The following CDC42BPG variants were observed in gnomAD, a reference collection of about 807,000 sequenced individuals.
CDC42BPG encodes the protein serine/threonine-protein kinase MRCK gamma.
Under a neutral mutation model 192.2 loss-of-function variants are expected in CDC42BPG, and 157 were observed. That is an observed-to-expected ratio of 0.82 (90% CI 0.72 to 0.93). CDC42BPG has a LOEUF of 0.93. Ranked by LOEUF, CDC42BPG falls within the 40% of genes least tolerant of loss-of-function variation. CDC42BPG has a pLI of 0.00. For missense variants in CDC42BPG, 1,992 were observed against 2,122.1 expected (o/e 0.94, Z 1.20); for synonymous variants, 981 against 918.5 (o/e 1.07, Z -1.23).
intron 27 of CDC42BPG, among the ~76,000 whole-genome samples, chr11:64,832,149 C>T (rs140090314): frequency 6.6e-6 from 1 of 152,330 alleles, no homozygotes; most frequent in East Asian, 1.9e-4. Context: ...AAGGTGTGAC[C>T]AGAGCAGAGA....
rs554913071 is a variant in CDC42BPG at position 64,830,446 on chromosome 11, CCAT to C, written c.3305-193_3305-191del. Reference sequence around the variant, plus strand: ...TTTTCCAGAGGGGTTGGGGTGAGGCCCATCATCTTGAGCTGTGGGATTTTGGGT... The same window carrying C: ...TTTTCCAGAGGGGTTGGGGTGAGGCCCATCTTGAGCTGTGGGATTTTGGGT... On this transcript the variant is annotated intron_variant, in intron 28 of 36. Coordinates refer to ENST00000342711, the MANE Select transcript of CDC42BPG (RefSeq NM_017525.3). 8.5e-4 allele frequency: 538 copies of C among 630,138 alleles called. 6 individuals are homozygous for C. The highest frequency in any genetic ancestry group is 7.8e-3 in the African/African-American group (430 of 55,264). The allele number at this position is 630,138 out of a possible 1,614,324, so 39.0% of individuals were successfully genotyped here. A position where few individuals can be genotyped will look rare whatever the true frequency, so the allele number is the denominator to read the frequency against.
In CDC42BPG at chr11:64,831,646, C is replaced by T. The variant is rs1173469229; in HGVS notation, c.3163G>A (p.Glu1055Lys). The T allele has an allele frequency of 6.2e-7, 1 of 1,610,966 alleles. No homozygotes were observed. ...LLLAESEGER[E>K]RWLQVLGELQ... ...TCACCCAGCACCTGCAGCCAGCGTT[C>T]CCGCTCCCCCTCGCTCTCTGCCAGC... The change falls in exon 28 of 37, where the codon GAA becomes AAA. Residue 1055 changes from glutamate (E) to lysine (K), a missense_variant. Physicochemically the swap from Glu to Lys is moderately conservative, Grantham distance 56 (BLOSUM62 1). This residue lies in a region of CDC42BPG where 1,656 missense variants were observed against 1,844.3 expected (regional missense o/e 0.90). Transcript: ENST00000342711.
chr11:64,838,100 G>A lies in CDC42BPG; in HGVS notation c.1188C>T (p.Phe396=), dbSNP rs757853046. ...AGCCTCACCTGCCTGAGGTGTAGGT[G>A]AAGCCCACGAATGGCAGGTGATGGC... is the stretch of plus-strand genomic sequence containing the variant. ...FSGHHLPFVG[F]TYTSGSHSPE... is the part of the protein sequence containing the mutation. The change falls in exon 9 of 37, where the codon TTC becomes TTT. Residue 396 remains phenylalanine, a synonymous_variant. Coordinates refer to ENST00000342711, the MANE Select transcript of CDC42BPG (RefSeq NM_017525.3). 20 of 1,551,822 alleles carry A rather than the reference G, an allele frequency of 1.3e-5. No individual in the cohort carries two copies. The highest frequency in any genetic ancestry group is 4.9e-5 in the East Asian group (2 of 41,114).
rs147914897 is a variant in CDC42BPG, at chr11:64,840,616, G to A, written c.369C>T (p.Leu123=). 5.6e-6 allele frequency: 9 copies of A among 1,613,892 alleles called. No individual in the cohort carries two copies. The highest frequency in any genetic ancestry group is 1.7e-5 in the Admixed American group (1 of 60,026). The change falls in exon 4 of 37, where the codon CTC becomes CTT. Residue 123 remains leucine, a synonymous_variant. Coordinates refer to ENST00000342711, the MANE Select transcript of CDC42BPG (RefSeq NM_017525.3). The part of the protein sequence containing the change: ...TACFREERDV[L]VKGDSRWVTT... The stretch of plus-strand genomic sequence containing the variant: ...TCACCCAACGGCTGTCCCCTTTCAC[G>A]AGCACATCCCGCTCCTCCCGGAAAC...
Position 64,827,534 on chromosome 11 carries a change from C to A in CDC42BPG, c.4143G>T (p.Gln1381His). The change falls in exon 32 of 37, where the codon CAG (glutamine) becomes CAT (histidine). Residue 1381 changes from glutamine to histidine, a missense_variant. By Grantham distance (24) the Gln-to-His change is conservative (BLOSUM62 0). Coordinates refer to ENST00000342711, the MANE Select transcript of CDC42BPG (RefSeq NM_017525.3). ...ACACACGCACTCCCTCACCTGCCAG[C>A]TGGTTCCTGAGGTAGGTCAGGCGGA... ...EKVRLTYLRN[Q>H]LAEKDEFDIP... 2 of 1,612,212 alleles carry A rather than the reference C, an allele frequency of 1.2e-6. No homozygotes were observed. The highest frequency in any genetic ancestry group is 1.7e-6 in the Non-Finnish European group (2 of 1,178,688).
chr11:64,844,094 G>A (rs563279499), intron 1 of CDC42BPG, among the ~76,000 whole-genome samples: 2 of 152,302 alleles, frequency 1.3e-5, no homozygotes, highest in South Asian at 2.1e-4. Flanking sequence ...CTGTAAGCAA[G>A]GAAATCTGTA....
chr11:64,831,244 C>T (rs1357376462), intron 28 of CDC42BPG, among the ~76,000 whole-genome samples: 1 of 137,456 alleles, frequency 7.3e-6, no homozygotes, highest in Non-Finnish European at 1.6e-5. Context: ...AAAAAAAAAG[C>T]CTTTGTTCCT....
intron 24 of CDC42BPG, 36 bp downstream of exon 24, chr11:64,833,191 CTGGG>C (rs1942785882): frequency 1.4e-6 from 2 of 1,467,620 alleles, no homozygotes; most frequent in East Asian, 4.9e-5. Context: ...GGCCACACAC[CTGGG>C]ACCGTGGCTG....
chr11:64,833,671 C>A lies in CDC42BPG; in HGVS notation c.2566-12G>T. 1.2e-6 allele frequency: 2 copies of A among 1,612,278 alleles called. No homozygotes were observed. Among genetic ancestry groups the A allele is most frequent in the Non-Finnish European group, 1.7e-6 (2 of 1,179,376 alleles). ...CTGGGGAACACAGCCTGCAGGAGGG[C>A]GGGGGAGCAGGTGAGACGGGCAAGG... On this transcript the variant is annotated splice_polypyrimidine_tract_variant and intron_variant, in intron 22 of 36. Transcript: ENST00000342711.
rs1218720566 is a variant in CDC42BPG, at chr11:64,835,388, G to A, written c.1912C>T (p.Leu638=). The change falls in exon 16 of 37, where the codon CTG becomes TTG. Residue 638 remains leucine, a synonymous_variant. Coordinates refer to ENST00000342711, the MANE Select transcript of CDC42BPG (RefSeq NM_017525.3). The part of the protein sequence containing the change: ...PSGKEEALCQ[L]QEENRRLSRE... ...CTCAGCCTCCGGTTTTCCTCCTGCAGCTGGCACAGAGCCTCCTCCTTACCA... is the reference window on the plus strand; with the variant it reads ...CTCAGCCTCCGGTTTTCCTCCTGCAACTGGCACAGAGCCTCCTCCTTACCA... The A allele has an allele frequency of 2.5e-6, 4 of 1,613,902 alleles. No individual in the cohort carries two copies. The Admixed American group carries it at 5.0e-5, about 20-fold the overall frequency.
rs1467334753 is a variant in CDC42BPG, at chr11:64,829,641, G to A, written c.3797C>T (p.Pro1266Leu). ...CCCGCGGGATGGTGGCAGCTCCTCA[G>A]GCACCAAACCGGCCCCCAGCGCCAA... is the stretch of plus-strand genomic sequence containing the variant. ...APLALGAGLVPEELPPSRGGL... is the reference protein window; with the variant it reads ...APLALGAGLVLEELPPSRGGL... Residue 1266 changes from proline to leucine, a missense_variant, in exon 30 of 37, where the codon CCT becomes CTT. Transcript: ENST00000342711. The A allele has an allele frequency of 6.2e-7, 1 of 1,611,554 alleles. No individual in the cohort carries two copies. The highest frequency in any genetic ancestry group is 1.3e-5 in the African/African-American group (1 of 74,934).
chr11:64,835,009 G>T, intron 17 of CDC42BPG, 38 bp downstream of exon 17: 1 of 1,610,716 alleles, frequency 6.2e-7, no homozygotes, highest in Non-Finnish European at 8.5e-7. Flanking sequence ...CCTCAGTCTC[G>T]CCTGCGTTCC....
chr11:64,843,595 C>G (rs970542474), intron 1 of CDC42BPG, among the ~76,000 whole-genome samples: 1 of 152,214 alleles, frequency 6.6e-6, no homozygotes, highest in Non-Finnish European at 1.5e-5. Flanking sequence ...GCCAGGCCCC[C>G]GTGCCTTTTC....
At position 64,836,445 on chromosome 11, in the gene CDC42BPG, C is replaced by T. The variant is rs1485057364; in HGVS notation, c.1470G>A (p.Glu490=). The change falls in exon 12 of 37, where the codon GAG becomes GAA. Residue 490 remains glutamate, a synonymous_variant. Transcript: ENST00000342711. ...CCCTCACCCGGTGAAGTCGGTCAAG[C>T]TCCTGCCGTAGGTCACTGTCCTGAC... ...SPGQDSDLRQ[E]LDRLHRELAE... is the part of the protein sequence containing the mutation. The T allele has an allele frequency of 6.2e-7, 1 of 1,613,062 alleles. No individual in the cohort carries two copies. The highest frequency in any genetic ancestry group is 2.2e-5 in the East Asian group (1 of 44,872).
Position 64,832,907 on chromosome 11 carries a change from G to T in CDC42BPG, c.2784C>A (p.Pro928=). The T allele has an allele frequency of 6.5e-7, 1 of 1,549,016 alleles. No homozygotes were observed. Residue 928 remains proline (P), a synonymous_variant, in exon 25 of 37, where the codon CCC becomes CCA. Coordinates refer to ENST00000342711, the MANE Select transcript of CDC42BPG (RefSeq NM_017525.3). ...CTGTGCGGAGGAGGTCAGGGGGCACGGGGCAGGGTGGGGCCTGTGGGGCAC... is the reference window on the plus strand; with the variant it reads ...CTGTGCGGAGGAGGTCAGGGGGCACTGGGCAGGGTGGGGCCTGTGGGGCAC... ...TTCAPQAPPC[P]VPPDLLRTAL... is the part of the protein sequence containing the mutation.
At chr11:64,841,588 G>T in intron 3 of CDC42BPG, 62 bp downstream of exon 3, 1 of 1,395,458 alleles carries the variant, frequency 7.2e-7, no homozygotes, top group Non-Finnish European at 1.0e-6. Flanking sequence ...GGCCCTGGCA[G>T]CATACACCTC....
Position 64,841,800 on chromosome 11 carries a change from G to C in CDC42BPG, c.252+13C>G, listed in dbSNP as rs959592420. On this transcript the variant is annotated intron_variant, in intron 2 of 36. Transcript: ENST00000342711. Reference sequence around the variant, plus strand: ...GAACACCTCCCCCCACCTACCCCAGGCCCTTTGCTCACCTCCCCAAAGGCT... The same window carrying C: ...GAACACCTCCCCCCACCTACCCCAGCCCCTTTGCTCACCTCCCCAAAGGCT... The C allele has an allele frequency of 1.9e-6, 3 of 1,613,360 alleles. No individual in the cohort carries two copies.
rs1942797043 is a variant in CDC42BPG at position 64,833,348 on chromosome 11, G to A, written c.2626-12C>T. On this transcript the variant is annotated splice_polypyrimidine_tract_variant and intron_variant, in intron 23 of 36. Coordinates refer to ENST00000342711, the MANE Select transcript of CDC42BPG (RefSeq NM_017525.3). ...GTGTGTGAGCCGGGCTGGGGAGGGG[G>A]ACAGCCATTACCCAAGGCCTCCCAG... The A allele has an allele frequency of 1.5e-6, 2 of 1,373,746 alleles. No individual in the cohort carries two copies. The highest frequency in any genetic ancestry group is 1.0e-6 in the Non-Finnish European group (1 of 1,004,936). 85.1% of individuals were successfully genotyped at this position (1,373,746 alleles called of 1,614,324 possible).
chr11:64,827,101 T>A lies in CDC42BPG; in HGVS notation c.4338A>T (p.Leu1446=), dbSNP rs748471345. The change falls in exon 34 of 37, where the codon CTA becomes CTT. Residue 1446 remains leucine (L), a synonymous_variant. Transcript: ENST00000342711. The stretch of plus-strand genomic sequence containing the variant: ...GCCCGTTGGCAGGGCCCACGTGTAC[T>A]AGGTGGTTGAAGTTGGTAGGCGGCG... The part of the protein sequence containing the change: ...LISPPTNFNH[L]VHVGPANGRP... 1 of 1,613,944 alleles carries A rather than the reference T, an allele frequency of 6.2e-7. No homozygotes were observed. The highest frequency in any genetic ancestry group is 1.1e-5 in the South Asian group (1 of 91,076).
Sources: allele counts gnomAD v4.1 joint callset (sites outside exome capture counted in the v4.1 genomes callset), GRCh38; gene constraint gnomAD v4.1.1; regional missense constraint gnomAD v4.1.1; transcripts MANE v1.5; gene names NCBI Gene and HGNC (gene_info 2026-07-23, HGNC 2026-07-21).